LRIF1: variants seen among roughly 807,000 people sequenced by gnomAD.
LRIF1 encodes the protein ligand-dependent nuclear receptor-interacting factor 1.
In LRIF1, 32 loss-of-function variants were observed where a neutral mutation model predicts 52.7. That is an observed-to-expected ratio of 0.61 (90% confidence interval 0.46 to 0.82). LRIF1 has a LOEUF of 0.82. LRIF1 is among the 40% of genes least tolerant of loss of function. The pLI, the probability that LRIF1 is intolerant of heterozygous loss-of-function variation, is 0.00. For missense variants in LRIF1, 887 were observed against 892.0 expected (o/e 0.99, Z 0.07); for synonymous variants, 323 against 317.4 (o/e 1.02, Z -0.19).
chr1:110,896,729 T>C, the LRIF1 span: 1 of 1,612,476 alleles, frequency 6.2e-7, no homozygotes, highest in Non-Finnish European at 8.5e-7. Flanking sequence ...GATCGAAAAG[T>C]GGAGGTAATT....
At chr1:110,930,840 A>C in the LRIF1 span, among the ~76,000 whole-genome samples, 5 of 152,274 alleles carry the variant, frequency 3.3e-5, no homozygotes, top group African/African-American at 9.6e-5. Context: ...TGTTTATTAG[A>C]ATATCCTATT....
At chr1:110,880,598 T>A in the LRIF1 span, among the ~76,000 whole-genome samples, 1 of 152,080 alleles carries the variant, frequency 6.6e-6, no homozygotes, top group South Asian at 2.1e-4. Context: ...GATGGGTGAG[T>A]TAGTTATTTT....
At chr1:110,885,544 C>CA in the LRIF1 span, among the ~76,000 whole-genome samples, 1 of 138,634 alleles carries the variant, frequency 7.2e-6, no homozygotes, top group African/African-American at 2.7e-5. Flanking sequence ...TCTCAAAAAA[C>CA]AAAAAACAAA....
chr1:110,900,266 C>T, the LRIF1 span, among the ~76,000 whole-genome samples: 1 of 152,158 alleles, frequency 6.6e-6, no homozygotes, highest in African/African-American at 2.4e-5. Flanking sequence ...TGCCTTTCCA[C>T]GGGGCTTCCT....
the LRIF1 span, among the ~76,000 whole-genome samples, chr1:110,901,793 T>C: frequency 6.6e-6 from 1 of 152,232 alleles, no homozygotes; most frequent in East Asian, 1.9e-4. Flanking sequence ...CTCTTGAGTA[T>C]CACAAGTTTC....
the LRIF1 span, chr1:110,899,083 T>C: frequency 6.5e-7 from 1 of 1,541,226 alleles, no homozygotes; most frequent in Non-Finnish European, 9.0e-7. Context: ...AGAAATGGCT[T>C]TTCTTATGAA....
the LRIF1 span, among the ~76,000 whole-genome samples, chr1:110,923,116 A>G: frequency 5.3e-5 from 8 of 152,220 alleles, no homozygotes; most frequent in South Asian, 1.7e-3. Flanking sequence ...ACCAGCTAAC[A>G]TGGTGAAACC....
the LRIF1 span, among the ~76,000 whole-genome samples, chr1:110,920,154 G>A: frequency 2.0e-5 from 3 of 152,138 alleles, 1 homozygote; most frequent in Middle Eastern, 6.3e-3. Context: ...AACTGAGCAT[G>A]CTCTTACCGC....
At chr1:110,960,095 A>C (rs886903661) in intron 1 of LRIF1, among the ~76,000 whole-genome samples, 64 of 152,170 alleles carry the variant, frequency 4.2e-4, no homozygotes, top group Non-Finnish European at 7.9e-4. Flanking sequence ...ATCCTAATAA[A>C]CAGTCAAGAA....
chr1:110,890,826 G>GT, the LRIF1 span, among the ~76,000 whole-genome samples: 1 of 152,158 alleles, frequency 6.6e-6, no homozygotes, highest in South Asian at 2.1e-4. Context: ...CTTAGTCATG[G>GT]TTGCATCTTC....
At chr1:110,899,177 C>A in the LRIF1 span, 1 of 1,612,968 alleles carries the variant, frequency 6.2e-7, no homozygotes, top group Non-Finnish European at 8.5e-7. Context: ...ACAAAACCAG[C>A]CAGACCATAG....
At chr1:110,896,746 G>A in the LRIF1 span, 5 of 1,609,186 alleles carry the variant, frequency 3.1e-6, no homozygotes, top group Non-Finnish European at 4.2e-6. Flanking sequence ...AATTTTGTCG[G>A]CAATGTTTCT....
intron 1 of LRIF1, among the ~76,000 whole-genome samples, chr1:110,962,107 G>C (rs1196011427): frequency 6.9e-6 from 1 of 144,430 alleles, no homozygotes; most frequent in Non-Finnish European, 1.5e-5. Context: ...AAGTAAAGTT[G>C]TTTATCTTAC....
the LRIF1 span, among the ~76,000 whole-genome samples, chr1:110,903,593 A>G: frequency 6.6e-6 from 1 of 152,130 alleles, no homozygotes; most frequent in African/African-American, 2.4e-5. Context: ...CTAAGTGAAA[A>G]GCCCCTAGGC....
downstream of LRIF1, chr1:110,944,057 G>C (rs1376034752): frequency 6.6e-6 from 1 of 152,172 alleles, no homozygotes. Context: ...CACTCTGACT[G>C]TTTTACTGAG....
intron 1 of LRIF1, 188 bp from the exon 2 acceptor site, chr1:110,953,003 TTA>T (rs1247997003): frequency 3.8e-6 from 1 of 259,926 alleles, no homozygotes; most frequent in East Asian, 7.0e-5. Context: ...AGTCAACTGC[TTA>T]TATGATTAGG....
chr1:110,878,392 T>C, the LRIF1 span, among the ~76,000 whole-genome samples: 2 of 151,854 alleles, frequency 1.3e-5, no homozygotes, highest in Non-Finnish European at 2.9e-5. Flanking sequence ...CGTAATTACC[T>C]TGCGAATGCT....
intron 2 of LRIF1, 32 bp from the exon 3 acceptor site, chr1:110,950,155 T>C: frequency 6.4e-7 from 1 of 1,565,564 alleles, no homozygotes; most frequent in Non-Finnish European, 8.6e-7. Context: ...ACACAAACAA[T>C]ACTGCTAATT....
At chr1:110,877,675 C>T in the LRIF1 span, among the ~76,000 whole-genome samples, 1 of 152,184 alleles carries the variant, frequency 6.6e-6, no homozygotes, top group Admixed American at 6.5e-5. Flanking sequence ...ATCCTCTCCC[C>T]TAACAGCGAC....
Sources: allele counts gnomAD v4.1 joint callset (sites outside exome capture counted in the v4.1 genomes callset), GRCh38; gene constraint gnomAD v4.1.1; transcripts MANE v1.5; gene names NCBI Gene and HGNC (gene_info 2026-07-23, HGNC 2026-07-21).